The following NLN variants were observed in gnomAD, a reference collection of about 807,000 sequenced individuals.
NLN encodes neurolysin, also known as neurolysin, mitochondrial.
A neutral mutation model predicts 79.9 loss-of-function variants in NLN; 64 were observed. That is an observed-to-expected ratio of 0.80 (90% CI 0.65 to 0.99). The LOEUF (loss-of-function observed/expected upper bound fraction) is 0.99. NLN is among the 50% of genes least tolerant of loss of function. NLN has a pLI of 0.00. For synonymous variants in NLN, 267 were observed against 296.6 expected, an observed-to-expected ratio of 0.90 and a Z score of 1.02; for missense variants, 835 against 858.7, an observed-to-expected ratio of 0.97 and a Z score of 0.34.
chr5:65,763,392 A>G (rs1241787986), intron 3 of NLN, among the ~76,000 whole-genome samples: 2 of 152,224 alleles, frequency 1.3e-5, no homozygotes, highest in Non-Finnish European at 2.9e-5. Context: ...TGTAAGGGTT[A>G]TCTTAGACCA....
intron 1 of NLN, among the ~76,000 whole-genome samples, chr5:65,750,739 G>A (rs1759085443): frequency 6.6e-6 from 1 of 151,670 alleles, no homozygotes; most frequent in Non-Finnish European, 1.5e-5. Flanking sequence ...GAGAAAGAGA[G>A]AGAGAGAAAA....
At chr5:65,813,147 A>G (rs1312375699) in intron 12 of NLN, among the ~76,000 whole-genome samples, 2 of 152,210 alleles carry the variant, frequency 1.3e-5, no homozygotes, top group African/African-American at 4.8e-5. Flanking sequence ...TAGATTGCAT[A>G]GTACCTTATA....
chr5:65,775,743 G>T (rs1039727333), intron 3 of NLN, among the ~76,000 whole-genome samples: 1 of 152,162 alleles, frequency 6.6e-6, no homozygotes, highest in African/African-American at 2.4e-5. Flanking sequence ...GGCCATTGTG[G>T]GTTTCCTCCC....
At chr5:65,761,041 T>TA (rs1418713426) in intron 2 of NLN, among the ~76,000 whole-genome samples, 1 of 152,174 alleles carries the variant, frequency 6.6e-6, no homozygotes, top group East Asian at 1.9e-4. Context: ...CCTCTCACAG[T>TA]AGCTGTTGAA....
intron 1 of NLN, among the ~76,000 whole-genome samples, chr5:65,756,506 C>A (rs1045953107): frequency 6.6e-6 from 1 of 152,184 alleles, no homozygotes; most frequent in South Asian, 2.1e-4. Flanking sequence ...CAACTTCTCT[C>A]TTGAATGATC....
intron 1 of NLN, among the ~76,000 whole-genome samples, chr5:65,745,882 G>C (rs1456895872): frequency 6.6e-6 from 1 of 152,184 alleles, no homozygotes; most frequent in Non-Finnish European, 1.5e-5. Context: ...TTTCTGATTT[G>C]GACAACTGAG....
intron 1 of NLN, among the ~76,000 whole-genome samples, chr5:65,737,132 CA>C (rs1045559692): frequency 2.7e-5 from 4 of 150,808 alleles, no homozygotes; most frequent in African/African-American, 9.9e-5. Context: ...AGACTGTCTC[CA>C]AAAAAATATG....
intron 12 of NLN, among the ~76,000 whole-genome samples, chr5:65,818,506 A>G (rs1760722670): frequency 6.6e-6 from 1 of 152,154 alleles, no homozygotes; most frequent in South Asian, 2.1e-4. Context: ...GACCTCTTCT[A>G]ATCAGGCAAC....
chr5:65,763,246 T>C, intron 3 of NLN, 138 bp downstream of exon 3: 1 of 676,888 alleles, frequency 1.5e-6, no homozygotes, highest in Middle Eastern at 4.1e-4. Context: ...GGGCATTATA[T>C]AGTATTACAT....
In NLN at chr5:65,785,863, TTGAAA is replaced by T. The variant is rs758831714; in HGVS notation, c.916_920del (p.Met306HisfsTer14). On this transcript the variant is annotated frameshift_variant, in exon 7 of 13. Coordinates refer to ENST00000380985, the MANE Select transcript of NLN (RefSeq NM_020726.5). LOFTEE classifies it high-confidence loss of function. ...TATAGCACACATGCTGACTTCGTCC[TTGAAA>T]TGAACACTGCAAAGAGCACAAGCCG... 9 of 1,613,820 alleles carry T rather than the reference TTGAAA, an allele frequency of 5.6e-6. No homozygotes were observed. The highest frequency in any genetic ancestry group is 1.7e-4 in the Middle Eastern group (1 of 6,054).
chr5:65,796,528 G>A (rs1164110264), intron 9 of NLN, among the ~76,000 whole-genome samples: 2 of 152,208 alleles, frequency 1.3e-5, no homozygotes, highest in Non-Finnish European at 2.9e-5. Flanking sequence ...GAGCACAAAT[G>A]TGTCATACTG....
intron 3 of NLN, among the ~76,000 whole-genome samples, chr5:65,767,475 G>A (rs1300266531): frequency 6.6e-6 from 1 of 152,286 alleles, no homozygotes; most frequent in South Asian, 2.1e-4. Context: ...AGGGGAAGGA[G>A]GGGGGAGCAC....
chr5:65,758,821 A>T lies in NLN; in HGVS notation c.296A>T (p.Tyr99Phe), dbSNP rs1759279777. 1 of 1,610,418 alleles carries T rather than the reference A, an allele frequency of 6.2e-7. No individual in the cohort carries two copies. The highest frequency in any genetic ancestry group is 8.5e-7 in the Non-Finnish European group (1 of 1,176,948). ...GCACTGGCAGATGTAGAAGTAAAGT[A>T]TATAGGTGGGTCAGATGCAGAAGCA... ...LQALADVEVKYIVERTMLDFP... is the reference protein window; with the variant it reads ...LQALADVEVKFIVERTMLDFP... Residue 99 changes from tyrosine to phenylalanine, a missense_variant, in exon 2 of 13, where the codon TAT (tyrosine) becomes TTT (phenylalanine). Coordinates refer to ENST00000380985, the MANE Select transcript of NLN (RefSeq NM_020726.5).
At chr5:65,739,015 T>C (rs1455260168) in intron 1 of NLN, among the ~76,000 whole-genome samples, 1 of 142,460 alleles carries the variant, frequency 7.0e-6, no homozygotes, top group Non-Finnish European at 1.5e-5. Context: ...TATATATTTA[T>C]ATATATAAAT....
chr5:65,738,172 A>G (rs1307629074), intron 1 of NLN, among the ~76,000 whole-genome samples: 1 of 151,480 alleles, frequency 6.6e-6, no homozygotes, highest in African/African-American at 2.4e-5. Flanking sequence ...CAACCTAGTA[A>G]GAGTGATAAG....
At chr5:65,735,744 T>A (rs1758714638) in intron 1 of NLN, among the ~76,000 whole-genome samples, 1 of 152,196 alleles carries the variant, frequency 6.6e-6, no homozygotes, top group Admixed American at 6.5e-5. Context: ...TCTTGTGGTT[T>A]AGAAATCCCT....
At chr5:65,801,899 C>G (rs13174125) in intron 9 of NLN, among the ~76,000 whole-genome samples, 1 of 152,186 alleles carries the variant, frequency 6.6e-6, no homozygotes, top group Non-Finnish European at 1.5e-5. Flanking sequence ...GGTTGACTTC[C>G]TCCCTCATAT....
At chr5:65,738,969 A>ATAAATATAT (rs1758802326) in intron 1 of NLN, among the ~76,000 whole-genome samples, 3 of 60,872 alleles carry the variant, frequency 4.9e-5, no homozygotes, top group African/African-American at 7.6e-5. Flanking sequence ...ATGTATATAT[A>ATAAATATAT]AATATATATA....
At chr5:65,780,013 A>G in intron 4 of NLN, 166 bp from the exon 5 acceptor site, 3 of 477,538 alleles carry the variant, frequency 6.3e-6, no homozygotes, top group Non-Finnish European at 1.1e-5. Context: ...TTTAGTAGAG[A>G]CTGGCTTTCA....
Sources: allele counts gnomAD v4.1 joint callset (sites outside exome capture counted in the v4.1 genomes callset), GRCh38; gene constraint gnomAD v4.1.1; transcripts MANE v1.5; gene names NCBI Gene and HGNC (gene_info 2026-07-23, HGNC 2026-07-21).